CHST11: variants seen among roughly 807,000 people sequenced by gnomAD.
The protein encoded by CHST11 is C4S-1.
CHST11 carries 9 observed loss-of-function variants against 30.4 expected under a neutral mutation model. The observed-to-expected ratio is 0.30, with a 90% CI of 0.18 to 0.52. The LOEUF is 0.52. CHST11 is among the 20% of genes least tolerant of loss of function. CHST11 has a pLI of 0.97. For synonymous variants in CHST11, 152 were observed against 187.8 expected (o/e 0.81, Z 1.56); for missense variants, 348 against 460.6 (o/e 0.76, Z 2.24).
intron 2 of CHST11, among the ~76,000 whole-genome samples, chr12:104,752,544 T>C (rs1368669007): frequency 6.6e-6 from 1 of 151,308 alleles, no homozygotes; most frequent in African/African-American, 2.4e-5. Flanking sequence ...TTATGTATTT[T>C]TGAGACAGAG....
chr12:104,738,767 A>G (rs1184653725), intron 2 of CHST11, among the ~76,000 whole-genome samples: 2 of 152,194 alleles, frequency 1.3e-5, no homozygotes, highest in African/African-American at 4.8e-5. Flanking sequence ...TCTCTTGGCC[A>G]CTAAATTACA....
intron 2 of CHST11, among the ~76,000 whole-genome samples, chr12:104,623,572 TG>T (rs2039182719): frequency 6.6e-6 from 1 of 152,022 alleles, no homozygotes; most frequent in African/African-American, 2.4e-5. Context: ...TAGCCAGGCA[TG>T]GTGGCACATG....
intron 1 of CHST11, among the ~76,000 whole-genome samples, chr12:104,486,961 G>A (rs184068344): frequency 2.8e-4 from 43 of 152,324 alleles, no homozygotes; most frequent in African/African-American, 1.0e-3. Flanking sequence ...TGCCCAGATA[G>A]AGTTAGGAAT....
intron 1 of CHST11, among the ~76,000 whole-genome samples, chr12:104,545,351 C>T (rs1319046716): frequency 6.6e-6 from 1 of 152,172 alleles, no homozygotes; most frequent in Admixed American, 6.5e-5. Context: ...GGTGTTGTGA[C>T]CCATGGACTT....
Position 104,479,178 on chromosome 12 carries a change from CT to C in CHST11, c.118+21657del, listed in dbSNP as rs994766652. The stretch of plus-strand genomic sequence containing the variant: ...TTTAAGCAAAAAAAAAGGGCCCCCC[CT>C]TTTTTTTGGCTCAGGGAACTGAGCC... On this transcript the variant is annotated intron_variant, in intron 1 of 2. Transcript: ENST00000303694. 4.0e-5 allele frequency among the ~76,000 whole-genome samples: 6 copies of C among 150,922 alleles called. No individual in the cohort carries two copies. The East Asian group carries it at 5.8e-4, about 15-fold the overall frequency.
At chr12:104,533,777 A>G (rs17035742) in intron 1 of CHST11, among the ~76,000 whole-genome samples, 5,772 of 152,276 alleles carry the variant, frequency 0.038, 385 homozygotes, top group African/African-American at 0.13. Context: ...GCCAATCAAT[A>G]AGCAATGAAA....
At chr12:104,702,540 T>C (rs904081194) in intron 2 of CHST11, among the ~76,000 whole-genome samples, 2 of 151,468 alleles carry the variant, frequency 1.3e-5, no homozygotes, top group African/African-American at 4.9e-5. Context: ...TCTGTGATGT[T>C]GACTGATGGG....
At chr12:104,471,794 A>G (rs2037511387) in intron 1 of CHST11, among the ~76,000 whole-genome samples, 1 of 152,184 alleles carries the variant, frequency 6.6e-6, no homozygotes, top group African/African-American at 2.4e-5. Flanking sequence ...GTCTCCAGAA[A>G]TCCAATGTGT....
At chr12:104,672,924 C>T (rs2039709138) in intron 2 of CHST11, among the ~76,000 whole-genome samples, 1 of 152,202 alleles carries the variant, frequency 6.6e-6, no homozygotes, top group Non-Finnish European at 1.5e-5. Flanking sequence ...TAATGAATCA[C>T]CACAGACCAG....
chr12:104,739,987 G>A (rs2040333931), intron 2 of CHST11, among the ~76,000 whole-genome samples: 2 of 152,194 alleles, frequency 1.3e-5, no homozygotes, highest in Non-Finnish European at 1.5e-5. Flanking sequence ...TTCCATCAAA[G>A]CAAATACTCT....
At chr12:104,535,164 C>T (rs1460418480) in intron 1 of CHST11, among the ~76,000 whole-genome samples, 1 of 152,228 alleles carries the variant, frequency 6.6e-6, no homozygotes, top group Non-Finnish European at 1.5e-5. Context: ...CTAGGCCTCA[C>T]CTGCCCTTTG....
chr12:104,684,151 C>T (rs182575951), intron 2 of CHST11, among the ~76,000 whole-genome samples: 74 of 152,332 alleles, frequency 4.9e-4, no homozygotes, highest in Non-Finnish European at 9.3e-4. Context: ...ACTCCTCTTG[C>T]AAAACTGTGC....
At chr12:104,753,309 A>G (rs547352643) in intron 2 of CHST11, among the ~76,000 whole-genome samples, 1 of 152,260 alleles carries the variant, frequency 6.6e-6, no homozygotes, top group Admixed American at 6.5e-5. Flanking sequence ...TAAAATGGAG[A>G]TCCTAATAAT....
chr12:104,602,022 AT>A (rs5800627), intron 2 of CHST11, 31 bp downstream of exon 2: 5,056 of 1,191,514 alleles, frequency 4.2e-3, no homozygotes, highest in South Asian at 8.2e-3. Flanking sequence ...CAGCATGTGA[AT>A]TTTTTTTTTT....
intron 1 of CHST11, among the ~76,000 whole-genome samples, chr12:104,463,809 A>T (rs1038564556): frequency 3.9e-5 from 6 of 152,188 alleles, no homozygotes; most frequent in African/African-American, 1.4e-4. Context: ...AGAGAGCAAC[A>T]CAAGTCAAAT....
intron 2 of CHST11, among the ~76,000 whole-genome samples, chr12:104,661,035 T>G (rs900789562): frequency 1.3e-5 from 2 of 152,138 alleles, no homozygotes; most frequent in Admixed American, 6.6e-5. Context: ...CAGACTGCCA[T>G]GAGCCTGGGA....
intron 2 of CHST11, among the ~76,000 whole-genome samples, chr12:104,606,106 G>A (rs954056620): frequency 6.7e-6 from 1 of 149,524 alleles, no homozygotes; most frequent in Non-Finnish European, 1.5e-5. Context: ...ATTGTTCTAG[G>A]GGTCTCTGAG....
intron 1 of CHST11, among the ~76,000 whole-genome samples, chr12:104,465,024 A>G (rs2037444747): frequency 6.6e-6 from 1 of 152,160 alleles, no homozygotes; most frequent in South Asian, 2.1e-4. Context: ...CTGCCCTTTA[A>G]CGAGCAACTG....
intron 2 of CHST11, among the ~76,000 whole-genome samples, chr12:104,663,715 G>A (rs1302511417): frequency 1.3e-5 from 2 of 152,188 alleles, no homozygotes; most frequent in Non-Finnish European, 1.5e-5. Flanking sequence ...AGAGAGCTGT[G>A]CATTTCTGTT....
Sources: allele counts gnomAD v4.1 joint callset (sites outside exome capture counted in the v4.1 genomes callset), GRCh38; gene constraint gnomAD v4.1.1; transcripts MANE v1.5; gene names NCBI Gene and HGNC (gene_info 2026-07-23, HGNC 2026-07-21).